Variants in PTPRD observed in about 807,000 individuals in gnomAD.
PTPRD encodes the protein protein tyrosine phosphatase receptor type D.
PTPRD carries 34 observed loss-of-function variants against 214.5 expected under a neutral mutation model. The ratio of observed to expected loss-of-function variants is 0.16; its 90% CI spans 0.12 to 0.21. PTPRD has a LOEUF of 0.21. PTPRD is among the 10% of genes least tolerant of loss of function. The pLI is 1.00. For synonymous variants in PTPRD, 1,128 were observed against 845.7 expected (o/e 1.33, Z -5.79); for missense variants, 2,545 against 2,398.7 (o/e 1.06, Z -1.27).
intron 11 of PTPRD, among the ~76,000 whole-genome samples, chr9:8,772,317 C>G (rs1381607158): frequency 1.3e-5 from 2 of 151,990 alleles, no homozygotes; most frequent in Non-Finnish European, 2.9e-5. Flanking sequence ...TTTTTTATCT[C>G]AAGAGCTCCA....
intron 12 of PTPRD, among the ~76,000 whole-genome samples, chr9:8,642,698 G>C (rs1351859045): frequency 6.6e-6 from 1 of 152,168 alleles, no homozygotes; most frequent in African/African-American, 2.4e-5. Context: ...CTGAAGGTTT[G>C]AGGGGAATGA....
intron 3 of PTPRD, among the ~76,000 whole-genome samples, chr9:10,302,159 C>T (rs930380140): frequency 4.6e-5 from 7 of 152,094 alleles, no homozygotes; most frequent in African/African-American, 9.7e-5. Flanking sequence ...TCTTATCCAG[C>T]CAAACAAAGC....
intron 35 of PTPRD, among the ~76,000 whole-genome samples, chr9:8,417,179 T>C (rs2094000019): frequency 6.6e-6 from 1 of 152,156 alleles, no homozygotes; most frequent in Non-Finnish European, 1.5e-5. Context: ...TTCTATAATA[T>C]ATCGTTAGAT....
At chr9:10,600,756 TC>T (rs1329774481) in intron 2 of PTPRD, among the ~76,000 whole-genome samples, 3 of 151,528 alleles carry the variant, frequency 2.0e-5, no homozygotes, top group Non-Finnish European at 4.4e-5. Context: ...AAAACAGAGG[TC>T]CCTCAAAAGT....
chr9:9,000,967 C>T (rs1257402804), intron 11 of PTPRD, among the ~76,000 whole-genome samples: 1 of 151,902 alleles, frequency 6.6e-6, no homozygotes, highest in Non-Finnish European at 1.5e-5. Context: ...ACAGCTACAG[C>T]AAAGCACGCA....
chr9:8,497,920 C>G (rs371850080), intron 25 of PTPRD, among the ~76,000 whole-genome samples: 8 of 152,218 alleles, frequency 5.3e-5, no homozygotes, highest in African/African-American at 1.9e-4. Flanking sequence ...CCAAAGCACA[C>G]TGGTCATATT....
At chr9:8,847,742 T>A (rs190627461) in intron 11 of PTPRD, among the ~76,000 whole-genome samples, 290 of 124,952 alleles carry the variant, frequency 2.3e-3, no homozygotes, top group Middle Eastern at 4.3e-3. Flanking sequence ...TAAACTATTA[T>A]AAAATAGGTT....
At chr9:9,474,843 T>C (rs568540444) in intron 8 of PTPRD, among the ~76,000 whole-genome samples, 1 of 152,274 alleles carries the variant, frequency 6.6e-6, no homozygotes, top group South Asian at 2.1e-4. Flanking sequence ...GGAGTTTTTA[T>C]AGATTTTTAC....
At chr9:8,719,901 G>C (rs149705163) in intron 12 of PTPRD, among the ~76,000 whole-genome samples, 141 of 151,974 alleles carry the variant, frequency 9.3e-4, no homozygotes, top group African/African-American at 3.3e-3. Context: ...GTGTTATCTA[G>C]AATACCATCT....
At chr9:9,635,540 T>A (rs763277134) in intron 7 of PTPRD, among the ~76,000 whole-genome samples, 7 of 152,198 alleles carry the variant, frequency 4.6e-5, no homozygotes, top group Non-Finnish European at 1.0e-4. Flanking sequence ...GGTTATGCTT[T>A]TACAGCTGAA....
intron 9 of PTPRD, among the ~76,000 whole-genome samples, chr9:9,282,864 T>C (rs1263477298): frequency 6.6e-6 from 1 of 151,534 alleles, no homozygotes; most frequent in Non-Finnish European, 1.5e-5. Flanking sequence ...CCAAAATTTC[T>C]GTTAGGAGCA....
chr9:9,194,284 T>A (rs2099936950), intron 9 of PTPRD, among the ~76,000 whole-genome samples: 1 of 152,166 alleles, frequency 6.6e-6, no homozygotes, highest in South Asian at 2.1e-4. Context: ...TACAGTTAAC[T>A]TTTTGTTTAT....
At chr9:8,819,244 C>G (rs1277247361) in intron 11 of PTPRD, among the ~76,000 whole-genome samples, 5 of 152,116 alleles carry the variant, frequency 3.3e-5, no homozygotes, top group African/African-American at 4.8e-5. Context: ...ACTTGACATG[C>G]TTGAATAAAT....
In PTPRD at chr9:9,607,005, A is replaced by AT. The variant is rs1187365479; in HGVS notation, c.-286-32225_-286-32224insA. On this transcript the variant is annotated intron_variant, in intron 7 of 45. Transcript: ENST00000381196. ...AAAAAAAAAAAAAAAAAAAAAAAAA[A>AT]GTGTTTCTGCCATGTCACCGACCAG... 3.3e-3 allele frequency among the ~76,000 whole-genome samples: 393 copies of AT among 119,668 alleles called. 69 individuals are homozygous for AT. The highest frequency in any genetic ancestry group is 4.4e-3 in the Non-Finnish European group (252 of 57,724). 78.5% of individuals were successfully genotyped at this position (119,668 alleles called of 152,430 possible).
At chr9:9,633,851 A>T (rs1253212926) in intron 7 of PTPRD, among the ~76,000 whole-genome samples, 1 of 152,158 alleles carries the variant, frequency 6.6e-6, no homozygotes, top group Non-Finnish European at 1.5e-5. Flanking sequence ...AGTGCAAATC[A>T]TTAACATAAA....
intron 14 of PTPRD, among the ~76,000 whole-genome samples, chr9:8,618,906 G>GTTTTTTTTT (rs1270022921): frequency 1.0e-5 from 1 of 96,776 alleles, no homozygotes; most frequent in African/African-American, 3.9e-5. Context: ...GTTTGTCTGT[G>GTTTTTTTTT]TTTTTTTGTT....
rs948778109 is a variant in PTPRD, at chr9:9,931,965, A to G, written c.-368+6542T>C. On this transcript the variant is annotated intron_variant, in intron 5 of 45. Transcript: ENST00000381196. ...CTGGGAGGCACCCCCCAGCAGGGGC[A>G]CACTGACACCTCACACAGCAGAGTA... is the stretch of plus-strand genomic sequence containing the variant. Among the ~76,000 whole-genome samples, 4 of 152,130 alleles carry G rather than the reference A, an allele frequency of 2.6e-5. No individual in the cohort carries two copies. In the East Asian group the frequency reaches 7.8e-4, roughly 30 times the overall value.
chr9:10,290,270 C>G (rs1044444721), intron 3 of PTPRD, among the ~76,000 whole-genome samples: 2 of 152,060 alleles, frequency 1.3e-5, no homozygotes, highest in Non-Finnish European at 2.9e-5. Context: ...TATCCTGTTC[C>G]CTTTGTATGA....
intron 2 of PTPRD, among the ~76,000 whole-genome samples, chr9:10,472,424 G>A (rs1009915576): frequency 6.6e-6 from 1 of 152,054 alleles, no homozygotes; most frequent in African/African-American, 2.4e-5. Context: ...TGCAAATGTG[G>A]TCCACAAACC....
Sources: allele counts gnomAD v4.1 joint callset (sites outside exome capture counted in the v4.1 genomes callset), GRCh38; gene constraint gnomAD v4.1.1; transcripts MANE v1.5; gene names NCBI Gene and HGNC (gene_info 2026-07-23, HGNC 2026-07-21).